ITSN2: variants seen among roughly 807,000 people sequenced by gnomAD.
ITSN2 encodes intersectin 2, also known as intersectin-2.
A neutral mutation model predicts 243.7 loss-of-function variants in ITSN2; 156 were observed. The ratio of observed to expected loss-of-function variants is 0.64; its 90% CI spans 0.56 to 0.73. The LOEUF (loss-of-function observed/expected upper bound fraction) is 0.73, where lower values mean the gene tolerates loss of function less well. Ranked by LOEUF, ITSN2 falls within the 30% of genes least tolerant of loss-of-function variation. The probability of loss-of-function intolerance (pLI) is 0.00; values close to 1 mark genes in which losing one functional copy is unlikely to be tolerated. For missense variants in ITSN2, 1,801 were observed against 1,996.1 expected, an observed-to-expected ratio of 0.90 and a Z score of 1.86; for synonymous variants, 703 against 699.9, an observed-to-expected ratio of 1.00 and a Z score of -0.07.
At chr2:24,259,014 A>G (rs1675436474) in intron 22 of ITSN2, among the ~76,000 whole-genome samples, 2 of 152,124 alleles carry the variant, frequency 1.3e-5, no homozygotes, top group Admixed American at 6.5e-5. Context: ...TCTCAAACCT[A>G]TATTTTCAGT....
intron 1 of ITSN2, among the ~76,000 whole-genome samples, chr2:24,335,728 TC>T (rs1461598957): frequency 1.3e-5 from 2 of 151,738 alleles, no homozygotes; most frequent in Non-Finnish European, 2.9e-5. Context: ...AACCTCCGCC[TC>T]CCTGGTTCAA....
intron 35 of ITSN2, among the ~76,000 whole-genome samples, chr2:24,209,508 C>T (rs186979886): frequency 1.3e-5 from 2 of 152,210 alleles, no homozygotes; most frequent in African/African-American, 2.4e-5. Context: ...CTGCTAGCAA[C>T]GCTGGTGCTG....
At chr2:24,208,441 CAA>C (rs1203760320) in intron 36 of ITSN2, 122 bp from the exon 37 acceptor site, 2 of 728,254 alleles carry the variant, frequency 2.7e-6, no homozygotes, top group African/African-American at 3.5e-5. Context: ...AGTTTCCTAT[CAA>C]AGACCTGATA....
intron 16 of ITSN2, among the ~76,000 whole-genome samples, chr2:24,285,801 C>T (rs1001376910): frequency 2.0e-5 from 3 of 152,196 alleles, no homozygotes; most frequent in Non-Finnish European, 2.9e-5. Flanking sequence ...AATTAAATTA[C>T]ACTTCACAAG....
chr2:24,301,003 A>C, intron 11 of ITSN2, 151 bp downstream of exon 11: 1 of 469,200 alleles, frequency 2.1e-6, no homozygotes, highest in Non-Finnish European at 3.9e-6. Flanking sequence ...TAATTTTATC[A>C]ATACCAAAAT....
chr2:24,259,760 G>A (rs1301686200), intron 22 of ITSN2, among the ~76,000 whole-genome samples: 1 of 152,118 alleles, frequency 6.6e-6, no homozygotes, highest in Non-Finnish European at 1.5e-5. Flanking sequence ...TGCCCTTTGT[G>A]AAGGCTGCTC....
At chr2:24,242,340 C>T (rs983822901) in intron 29 of ITSN2, 1 of 152,408 alleles carries the variant, frequency 6.6e-6, no homozygotes, top group African/African-American at 2.4e-5. Context: ...AAAAAAAGTT[C>T]TAATTATGTA....
intron 17 of ITSN2, among the ~76,000 whole-genome samples, chr2:24,282,426 C>T (rs1274581038): frequency 6.6e-6 from 1 of 152,222 alleles, no homozygotes; most frequent in African/African-American, 2.4e-5. Flanking sequence ...TCAATAAAAC[C>T]TTGCATTCAT....
chr2:24,316,245 TAG>T (rs1006843006), intron 2 of ITSN2, among the ~76,000 whole-genome samples: 2 of 152,164 alleles, frequency 1.3e-5, no homozygotes, highest in African/African-American at 4.8e-5. Context: ...CTGGAAGTTA[TAG>T]AGAGCCATCT....
At chr2:24,311,968 G>C (rs926086170) in intron 5 of ITSN2, among the ~76,000 whole-genome samples, 10 of 152,204 alleles carry the variant, frequency 6.6e-5, no homozygotes, top group African/African-American at 2.4e-4. Flanking sequence ...AGTTGTAAAA[G>C]GAGACACTAA....
chr2:24,246,141 G>C lies in ITSN2; in HGVS notation c.3565C>G (p.Pro1189Ala). ...TAATATTACTCACACTGTTGACTTG[G>C]ATCTGAGTCTGTCGTCATCTTAACG... ...NYVKMTTDSD[P>A]SQQWCADLQT... Residue 1189 changes from proline to alanine, a missense_variant, in exon 29 of 40, where the codon CCA becomes GCA. This residue lies in a region of ITSN2 where 928 missense variants were observed against 1,065.4 expected (regional missense o/e 0.87). Transcript: ENST00000355123. 1.2e-6 allele frequency: 2 copies of C among 1,610,608 alleles called. No homozygotes were observed. Among genetic ancestry groups the C allele is most frequent in the South Asian group, 2.2e-5 (2 of 90,712 alleles).
At chr2:24,294,329 A>G (rs1314851812) in intron 14 of ITSN2, among the ~76,000 whole-genome samples, 10 of 152,194 alleles carry the variant, frequency 6.6e-5, no homozygotes, top group African/African-American at 2.4e-4. Context: ...AGAAGGCTGA[A>G]GCAGGAGAAT....
At chr2:24,274,394 G>T (rs1213841990) in intron 18 of ITSN2, among the ~76,000 whole-genome samples, 2 of 151,970 alleles carry the variant, frequency 1.3e-5, no homozygotes, top group Non-Finnish European at 1.5e-5. Context: ...ACACAGAGAG[G>T]CCTCATCCCT....
rs1443786310 is a variant in ITSN2 at position 24,248,786 on chromosome 2, T to G, written c.3167-36A>C. The G allele has an allele frequency of 2.5e-6, 4 of 1,612,878 alleles. No homozygotes were observed. In the African/African-American group the frequency reaches 5.3e-5, roughly 22 times the overall value. The stretch of plus-strand genomic sequence containing the variant: ...AAAGAAGAAACTATGAATTCAAGAT[T>G]GCGACAGAGCAAACACGTTAGTAAT... On this transcript the variant is annotated intron_variant, in intron 26 of 39. Transcript: ENST00000355123.
At chr2:24,304,053 T>C (rs1303039246) in intron 8 of ITSN2, among the ~76,000 whole-genome samples, 191 bp from the exon 9 acceptor site, 1 of 152,170 alleles carries the variant, frequency 6.6e-6, no homozygotes, top group African/African-American at 2.4e-5. Context: ...CCCAAGGAAT[T>C]TTAAATCTAG....
intron 12 of ITSN2, among the ~76,000 whole-genome samples, chr2:24,299,026 CTTTT>C (rs1181200021): frequency 1.6e-5 from 2 of 124,302 alleles, no homozygotes; most frequent in Non-Finnish European, 3.4e-5. Flanking sequence ...TTCACGAGAT[CTTTT>C]TTTTTTTTTT....
At chr2:24,301,124 T>A (rs1681670069) in intron 11 of ITSN2, 30 bp downstream of exon 11, 1 of 1,236,102 alleles carries the variant, frequency 8.1e-7, no homozygotes, top group African/African-American at 1.5e-5. Context: ...GAACTCAGTA[T>A]AAATATACAA....
At chr2:24,252,589 A>C in intron 24 of ITSN2, 78 bp from the exon 25 acceptor site, 4 of 1,052,214 alleles carry the variant, frequency 3.8e-6, no homozygotes, top group East Asian at 2.6e-5. Context: ...GTTATTCTCC[A>C]AGACATTGTA....
intron 24 of ITSN2, among the ~76,000 whole-genome samples, chr2:24,254,139 T>C (rs1016398664): frequency 6.6e-6 from 1 of 152,342 alleles, no homozygotes; most frequent in Middle Eastern, 3.4e-3. Context: ...TGAATTTTCA[T>C]AGCACTGCCT....
Sources: gnomAD v4.1 joint callset for allele counts (sites outside exome capture counted in the v4.1 genomes callset) on GRCh38, gnomAD v4.1.1 for gene constraint, gnomAD v4.1.1 regional missense constraint, MANE v1.5 for transcripts, NCBI Gene and HGNC (gene_info 2026-07-23, HGNC 2026-07-21) for gene names.